Variants in CD1D observed in about 807,000 individuals in gnomAD.
CD1D encodes CD1d molecule.
Under a neutral mutation model 42.1 loss-of-function variants are expected in CD1D, and 40 were observed. That is an observed-to-expected ratio of 0.95 (90% confidence interval 0.74 to 1.24). The LOEUF (loss-of-function observed/expected upper bound fraction) is 1.24. Among genes scored for constraint, CD1D ranks in the 50% most tolerant of loss-of-function variants. The pLI is 0.00. For synonymous variants in CD1D, 178 were observed against 171.8 expected (o/e 1.04, Z -0.28); for missense variants, 437 against 416.5 (o/e 1.05, Z -0.43).
upstream of CD1D, among the ~76,000 whole-genome samples, chr1:158,179,007 A>C (rs1648276287): frequency 6.7e-6 from 1 of 148,568 alleles, no homozygotes; most frequent in South Asian, 2.4e-4. Context: ...AAACAAAAAC[A>C]AAAAAACCAC....
intron 1 of CD1D, 48 bp from the exon 2 acceptor site, chr1:158,181,407 G>A (rs778079919): frequency 6.2e-7 from 1 of 1,602,568 alleles, no homozygotes; most frequent in South Asian, 1.1e-5. Flanking sequence ...TATGCTGGCT[G>A]CTCTCCCGGC....
chr1:158,182,249 C>T lies in CD1D; in HGVS notation c.546C>T (p.Gly182=), dbSNP rs1648473873. The change falls in exon 3 of 6, where the codon GGC becomes GGT. Residue 182 remains glycine, a synonymous_variant. Coordinates refer to ENST00000674085, the MANE Select transcript of CD1D (RefSeq NM_001371762.2). ...TRETVQWLLN[G]TCPQFVSGLL... ...AAACAGTGCAGTGGCTCCTTAATGG[C>T]ACCTGCCCCCAATTTGTCAGTGGCC... The T allele has an allele frequency of 1.2e-6, 2 of 1,614,138 alleles. No individual in the cohort carries two copies. Among genetic ancestry groups the T allele is most frequent in the Non-Finnish European group, 1.7e-6 (2 of 1,179,990 alleles).
In CD1D at chr1:158,186,206, C is replaced by A. The variant is rs539548861; in HGVS notation, c.*2056C>A. On this transcript the variant is annotated 3_prime_UTR_variant, in exon 6 of 6. Coordinates refer to ENST00000674085, the MANE Select transcript of CD1D (RefSeq NM_001371762.2). ...GTGGAGGCTGTTGCTGTGTTTGGTA[C>A]CACATTGCCCACCCTCACGTGGCGC... Among the ~76,000 whole-genome samples, 1 of 152,122 alleles carries A rather than the reference C, an allele frequency of 6.6e-6. No individual in the cohort carries two copies. Among genetic ancestry groups the A allele is most frequent in the Non-Finnish European group, 1.5e-5 (1 of 68,020 alleles).
chr1:158,181,805 C>T, intron 2 of CD1D, 84 bp downstream of exon 2: 3 of 1,526,120 alleles, frequency 2.0e-6, no homozygotes, highest in South Asian at 1.2e-5. Flanking sequence ...GTGGCACCAC[C>T]TGATGAGATT....
At chr1:158,181,747 C>T (rs571179373) in intron 2 of CD1D, 26 bp downstream of exon 2, 2 of 1,602,084 alleles carry the variant, frequency 1.2e-6, no homozygotes, top group South Asian at 1.1e-5. Flanking sequence ...GGATCCTGGG[C>T]CGGTACCCAA....
In CD1D at chr1:158,182,895, C is replaced by G. The variant is rs1648514399; in HGVS notation, c.625C>G (p.Leu209Val). 1 of 1,609,906 alleles carries G rather than the reference C, an allele frequency of 6.2e-7. No homozygotes were observed. Among genetic ancestry groups the G allele is most frequent in the Non-Finnish European group, 8.5e-7 (1 of 1,177,518 alleles). The change falls in exon 4 of 6, where the codon CTG becomes GTG. Residue 209 changes from leucine to valine, a missense_variant. Transcript: ENST00000674085. ...GGATACAGTGAAGCCCAAGGCCTGG[C>G]TGTCCCGTGGCCCCAGTCCTGGCCC... Reference protein sequence around the residue: ...LKKQVKPKAWLSRGPSPGPGR... With the variant: ...LKKQVKPKAWVSRGPSPGPGR...
rs929438650 is a variant in CD1D at position 158,185,013 on chromosome 1, C to T, written c.*863C>T. ...TGAAGGCATCCCTTCCTTCCCAAAA[C>T]GACAACGGCAACAACAACAGTCTCC... On this transcript the variant is annotated 3_prime_UTR_variant, in exon 6 of 6. Transcript: ENST00000674085. 6 of 152,132 alleles carry T rather than the reference C, an allele frequency of 3.9e-5. No individual in the cohort carries two copies. The highest frequency in any genetic ancestry group is 1.9e-4 in the East Asian group (1 of 5,192). The allele number at this position is 152,132 out of a possible 1,614,324, so 9.4% of individuals were successfully genotyped here. A position where few individuals can be genotyped will look rare whatever the true frequency, so the allele number is the denominator to read the frequency against.
chr1:158,180,999 G>A lies in CD1D; in HGVS notation c.-103G>A. 15 of 1,096,342 alleles carry A rather than the reference G, an allele frequency of 1.4e-5. No individual in the cohort carries two copies. Among genetic ancestry groups the A allele is most frequent in the Non-Finnish European group, 1.9e-5 (15 of 794,104 alleles). The allele number at this position is 1,096,342 out of a possible 1,614,324, so 67.9% of individuals were successfully genotyped here. A position where few individuals can be genotyped will look rare whatever the true frequency, so the allele number is the denominator to read the frequency against. Reference sequence around the variant, plus strand: ...GGGGTCTGGGCTTGGGAATTGGCTGGCACCCAGCGGAAAGGGACGTGAGCT... The same window carrying A: ...GGGGTCTGGGCTTGGGAATTGGCTGACACCCAGCGGAAAGGGACGTGAGCT... On this transcript the variant is annotated 5_prime_UTR_variant, in exon 1 of 6. Transcript: ENST00000674085.
upstream of CD1D, among the ~76,000 whole-genome samples, chr1:158,178,616 A>G (rs1648259166): frequency 6.6e-6 from 1 of 152,148 alleles, no homozygotes; most frequent in South Asian, 2.1e-4. Context: ...CCTTTGACCA[A>G]AATTAACACA....
At chr1:158,184,091 T>G in intron 5 of CD1D, 38 bp from the exon 6 acceptor site, 2 of 1,613,920 alleles carry the variant, frequency 1.2e-6, no homozygotes, top group Non-Finnish European at 1.7e-6. Flanking sequence ...CTGGCTTCCC[T>G]TTTCCTTAAT....
chr1:158,181,087 C>T lies in CD1D; in HGVS notation c.-15C>T. ...GCGCGCAGCGGCGCTCCGCGAGGTC[C>T]CCACGCCGGGCGATATGGGGTGCCT... On this transcript the variant is annotated 5_prime_UTR_variant, in exon 1 of 6. Transcript: ENST00000674085. 6.5e-7 allele frequency: 1 copy of T among 1,543,162 alleles called. No homozygotes were observed. The highest frequency in any genetic ancestry group is 8.7e-7 in the Non-Finnish European group (1 of 1,143,558).
At position 158,182,158 on chromosome 1, in the gene CD1D, C is replaced by T. The variant is rs1359105831; in HGVS notation, c.455C>T (p.Thr152Ile). 6.2e-7 allele frequency: 1 copy of T among 1,614,014 alleles called. No homozygotes were observed. Among genetic ancestry groups the T allele is most frequent in the Non-Finnish European group, 8.5e-7 (1 of 1,180,040 alleles). ...LSFQGTSWEPTQEAPLWVNLA... is the reference protein window; with the variant it reads ...LSFQGTSWEPIQEAPLWVNLA... ...TTCCAAGGAACTTCTTGGGAGCCAA[C>T]CCAAGAGGCCCCACTTTGGGTAAAC... The change falls in exon 3 of 6, where the codon ACC becomes ATC. Residue 152 changes from threonine (T) to isoleucine (I), a missense_variant. Thr to Ile is a moderately conservative substitution (Grantham distance 89). Transcript: ENST00000674085.
chr1:158,182,395 A>G, intron 3 of CD1D, 85 bp downstream of exon 3: 1 of 1,499,732 alleles, frequency 6.7e-7, no homozygotes, highest in Non-Finnish European at 9.3e-7. Context: ...CCCTTTGAGC[A>G]TTCAAAGAAG....
rs142205049 is a variant in CD1D at position 158,186,309 on chromosome 1, T to G, written c.*2159T>G. On this transcript the variant is annotated 3_prime_UTR_variant, in exon 6 of 6. Coordinates refer to ENST00000674085, the MANE Select transcript of CD1D (RefSeq NM_001371762.2). ...GCCTTCTGCATTCTGAGGGCACGTGTGTTAAAGTCTCTACTGATGTCCTTT... is the reference window on the plus strand; with the variant it reads ...GCCTTCTGCATTCTGAGGGCACGTGGGTTAAAGTCTCTACTGATGTCCTTT... Among the ~76,000 whole-genome samples, 132 of 152,310 alleles carry G rather than the reference T, an allele frequency of 8.7e-4. 1 individual carries two copies. The highest frequency in any genetic ancestry group is 3.1e-3 in the African/African-American group (129 of 41,560).
intron 2 of CD1D, 123 bp downstream of exon 2, chr1:158,181,844 C>A: frequency 7.2e-7 from 1 of 1,398,000 alleles, no homozygotes; most frequent in Non-Finnish European, 9.8e-7. Flanking sequence ...CTTCTGATTT[C>A]CCTTCTACCT....
chr1:158,180,906 A>G lies in CD1D; in HGVS notation c.-196A>G, dbSNP rs1353718801. 1 of 462,720 alleles carries G rather than the reference A, an allele frequency of 2.2e-6. No homozygotes were observed. Among genetic ancestry groups the G allele is most frequent in the East Asian group, 3.2e-5 (1 of 31,200 alleles). 28.7% of individuals were successfully genotyped at this position (462,720 alleles called of 1,614,324 possible). A position where few individuals can be genotyped will look rare whatever the true frequency, so the allele number is the denominator to read the frequency against. Reference sequence around the variant, plus strand: ...ACCCCGACCTCTTTGCAGCTCGCACAGCTAAGGGCGAGGGCGCCCTTCGGC... The same window carrying G: ...ACCCCGACCTCTTTGCAGCTCGCACGGCTAAGGGCGAGGGCGCCCTTCGGC... On this transcript the variant is annotated 5_prime_UTR_variant, in exon 1 of 6. Transcript: ENST00000674085.
intron 3 of CD1D, chr1:158,182,550 T>C (rs1648495620): frequency 3.3e-6 from 2 of 603,758 alleles, no homozygotes; most frequent in South Asian, 4.0e-5. Flanking sequence ...GATCCCTGCT[T>C]GGTAGGGGGA....
intron 1 of CD1D, 128 bp from the exon 2 acceptor site, chr1:158,181,327 C>T: frequency 6.9e-7 from 1 of 1,445,978 alleles, no homozygotes; most frequent in Non-Finnish European, 9.5e-7. Flanking sequence ...AGAGGCAGCG[C>T]GGCACAGAGT....
chr1:158,183,615 A>C (rs1254192622), intron 4 of CD1D, among the ~76,000 whole-genome samples: 1 of 152,188 alleles, frequency 6.6e-6, no homozygotes, highest in Non-Finnish European at 1.5e-5. Context: ...AGATGAGGAA[A>C]TGAAGGCGGA....
Sources: gnomAD v4.1 joint callset for allele counts (sites outside exome capture counted in the v4.1 genomes callset) on GRCh38, gnomAD v4.1.1 for gene constraint, MANE v1.5 for transcripts, NCBI Gene and HGNC (gene_info 2026-07-23, HGNC 2026-07-21) for gene names.